Variants in SOX5 observed in about 807,000 individuals in gnomAD.
SOX5 encodes the protein SRY-box transcription factor 5.
Under a neutral mutation model 92.0 loss-of-function variants are expected in SOX5, and 9 were observed. The observed-to-expected ratio is 0.10, with a 90% CI of 0.06 to 0.17. The LOEUF is 0.17. Among genes scored for constraint, SOX5 ranks in the 10% least tolerant of loss-of-function variants. SOX5 has a pLI of 1.00. For missense variants in SOX5, 642 were observed against 944.5 expected (o/e 0.68, Z 4.20); for synonymous variants, 344 against 336.3 (o/e 1.02, Z -0.25).
intron 4 of SOX5, among the ~76,000 whole-genome samples, chr12:24,063,575 A>T (rs1011368621): frequency 2.0e-5 from 3 of 152,218 alleles, no homozygotes; most frequent in South Asian, 2.1e-4. Context: ...TGCCACTTTC[A>T]ATGAAGGCAT....
intron 4 of SOX5, among the ~76,000 whole-genome samples, chr12:24,196,916 C>A (rs1957064891): frequency 6.6e-6 from 1 of 151,744 alleles, no homozygotes; most frequent in African/African-American, 2.4e-5. Flanking sequence ...AAACAAAAAA[C>A]AAAAACAAAA....
chr12:24,505,402 T>C (rs903061615), intron 1 of SOX5, among the ~76,000 whole-genome samples: 1 of 152,096 alleles, frequency 6.6e-6, no homozygotes, highest in Non-Finnish European at 1.5e-5. Flanking sequence ...AAGAATAAGG[T>C]GGTGGTTTCT....
chr12:23,691,508 G>A (rs2088804072), intron 6 of SOX5, among the ~76,000 whole-genome samples: 1 of 152,064 alleles, frequency 6.6e-6, no homozygotes, highest in Admixed American at 6.6e-5. Context: ...CCTGGACCTA[G>A]TGTTTCTTTG....
chr12:24,472,153 C>A lies in SOX5; in HGVS notation c.-251+90176G>T, dbSNP rs532066307. 2.4e-3 allele frequency among the ~76,000 whole-genome samples: 365 copies of A among 152,194 alleles called. 1 individual carries two copies. Among genetic ancestry groups the A allele is most frequent in the Non-Finnish European group, 3.3e-3 (224 of 68,004 alleles). ...AAGATCTTAAAAGTAAAAACATGCACAAGAAAGATCAGACAAATGCCACTC... is the reference window on the plus strand; with the variant it reads ...AAGATCTTAAAAGTAAAAACATGCAAAAGAAAGATCAGACAAATGCCACTC... On this transcript the variant is annotated intron_variant, in intron 1 of 4. Coordinates refer to the SOX5 transcript ENST00000446891.
At chr12:24,521,262 C>T (rs1189304389) in intron 1 of SOX5, among the ~76,000 whole-genome samples, 3 of 151,934 alleles carry the variant, frequency 2.0e-5, no homozygotes, top group African/African-American at 7.3e-5. Flanking sequence ...ACCATGTTGG[C>T]CAGGCTGGTC....
intron 13 of SOX5, among the ~76,000 whole-genome samples, chr12:23,538,063 C>G (rs778788381): frequency 1.3e-5 from 2 of 152,138 alleles, no homozygotes; most frequent in Non-Finnish European, 1.5e-5. Flanking sequence ...ACTAGGATAT[C>G]CCTACCAAAT....
At chr12:24,275,584 C>A (rs188290159) in intron 3 of SOX5, among the ~76,000 whole-genome samples, 1 of 152,062 alleles carries the variant, frequency 6.6e-6, no homozygotes, top group Non-Finnish European at 1.5e-5. Flanking sequence ...TTAGCCACTG[C>A]TCTACTGCTG....
intron 2 of SOX5, among the ~76,000 whole-genome samples, chr12:24,365,280 C>T (rs553110813): frequency 2.6e-5 from 4 of 152,168 alleles, no homozygotes; most frequent in African/African-American, 7.2e-5. Context: ...CTGTTATGCT[C>T]AAGTGAAGCA....
At chr12:23,999,138 C>CTGTGTG (rs1491483091) in intron 4 of SOX5, among the ~76,000 whole-genome samples, 3 of 61,696 alleles carry the variant, frequency 4.9e-5, no homozygotes, top group South Asian at 1.5e-3. Flanking sequence ...ATAAAAAAGA[C>CTGTGTG]TCTGTGTGTG....
At chr12:23,929,225 C>A (rs1202407754) in intron 1 of SOX5, among the ~76,000 whole-genome samples, 2 of 151,796 alleles carry the variant, frequency 1.3e-5, no homozygotes, top group East Asian at 1.9e-4. Context: ...CTGTAAAAAA[C>A]CAACAAACTA....
intron 9 of SOX5, among the ~76,000 whole-genome samples, chr12:23,595,931 A>G (rs971222682): frequency 3.3e-5 from 5 of 152,170 alleles, no homozygotes; most frequent in Non-Finnish European, 7.3e-5. Context: ...AATGAAGAAA[A>G]TAACAAAAAA....
At chr12:24,263,540 AC>A (rs1394490829) in intron 3 of SOX5, among the ~76,000 whole-genome samples, 3,483 of 130,836 alleles carry the variant, frequency 0.027, 370 homozygotes, top group African/African-American at 0.087. Context: ...AAAAAAAAAA[AC>A]AAAAAAAAAA....
chr12:23,878,663 A>T (rs1020498735), intron 2 of SOX5, among the ~76,000 whole-genome samples: 4 of 152,128 alleles, frequency 2.6e-5, no homozygotes, highest in African/African-American at 9.7e-5. Flanking sequence ...TTAAAAAGAC[A>T]TTTATCCATT....
At chr12:23,967,551 T>C (rs1233981437) in intron 4 of SOX5, among the ~76,000 whole-genome samples, 3 of 152,078 alleles carry the variant, frequency 2.0e-5, no homozygotes, top group Non-Finnish European at 4.4e-5. Context: ...GAGGTGACTT[T>C]TCTGACTAAA....
intron 1 of SOX5, among the ~76,000 whole-genome samples, chr12:24,377,412 T>C (rs1957399202): frequency 6.6e-6 from 1 of 152,174 alleles, no homozygotes; most frequent in Non-Finnish European, 1.5e-5. Flanking sequence ...AATTCTAGAA[T>C]CACTGTACAT....
chr12:24,068,211 C>T (rs1270745423), intron 4 of SOX5, among the ~76,000 whole-genome samples: 1 of 152,092 alleles, frequency 6.6e-6, no homozygotes, highest in Admixed American at 6.6e-5. Context: ...TTAAATGAGG[C>T]TTCTGTAAAA....
rs71059931 is a variant in SOX5, at chr12:23,843,554, C to CTTTTTTTTTTTTTTTT, written c.481+2413_481+2428dup. On this transcript the variant is annotated intron_variant, in intron 3 of 14. Coordinates refer to ENST00000451604, the MANE Select transcript of SOX5 (RefSeq NM_006940.6). ...TCAGAATATTTGACAGTCATTTCTC[C>CTTTTTTTTTTTTTTTT]TTTTTTTTTTTTTTTTTTTTTTTTT... Among the ~76,000 whole-genome samples the CTTTTTTTTTTTTTTTT allele has an allele frequency of 1.4e-4, 10 of 71,332 alleles. 3 individuals carry two copies. In the East Asian group the frequency reaches 1.9e-3, roughly 13 times the overall value. 46.8% of individuals were successfully genotyped at this position (71,332 alleles called of 152,430 possible). A position where few individuals can be genotyped will look rare whatever the true frequency, so the allele number is the denominator to read the frequency against.
intron 1 of SOX5, among the ~76,000 whole-genome samples, chr12:23,912,383 C>A (rs2097361482): frequency 6.6e-6 from 1 of 152,092 alleles, no homozygotes; most frequent in South Asian, 2.1e-4. Flanking sequence ...AAATTGGAAC[C>A]ATCAAAGATT....
chr12:23,688,279 GACA>G (rs1318538630), intron 6 of SOX5, among the ~76,000 whole-genome samples: 56 of 152,064 alleles, frequency 3.7e-4, no homozygotes, highest in Admixed American at 3.6e-3. Flanking sequence ...TTAGACATGT[GACA>G]ACATTAATGA....
Sources: allele counts gnomAD v4.1 joint callset (sites outside exome capture counted in the v4.1 genomes callset), GRCh38; gene constraint gnomAD v4.1.1; transcripts MANE v1.5; gene names NCBI Gene and HGNC (gene_info 2026-07-23, HGNC 2026-07-21).